The following FGF5 variants were observed in gnomAD, a reference collection of about 807,000 sequenced individuals.
FGF5 encodes heparin-binding growth factor 5.
In FGF5, 23 loss-of-function variants were observed where a neutral mutation model predicts 21.8. That is an observed-to-expected ratio of 1.05 (90% CI 0.76 to 1.49). The LOEUF (loss-of-function observed/expected upper bound fraction) is 1.49. Among genes scored for constraint, FGF5 ranks in the 40% most tolerant of loss-of-function variants. FGF5 has a pLI of 0.00. For missense variants in FGF5, 352 were observed against 332.9 expected (o/e 1.06, Z -0.45); for synonymous variants, 158 against 124.0 (o/e 1.27, Z -1.82).
intron 1 of FGF5, among the ~76,000 whole-genome samples, chr4:80,272,901 C>T (rs546013220): frequency 1.3e-5 from 2 of 152,186 alleles, no homozygotes; most frequent in South Asian, 2.1e-4. Flanking sequence ...TATCTAAAAT[C>T]ATTAATGCTA....
Position 80,266,869 on chromosome 4 carries a change from C to T in FGF5, c.45C>T (p.Ile15=). Residue 15 remains isoleucine (I), a synonymous_variant, in exon 1 of 3, where the codon ATC becomes ATT. Transcript: ENST00000312465. ...TCCTCCTCTTCTTCAGCCACCTGAT[C>T]CTCAGCGCCTGGGCTCACGGGGAGA... ...FLLLLFFSHL[I]LSAWAHGEKR... 6.2e-7 allele frequency: 1 copy of T among 1,610,380 alleles called. No homozygotes were observed. The highest frequency in any genetic ancestry group is 8.5e-7 in the Non-Finnish European group (1 of 1,178,434).
rs3839148 is a variant in FGF5 at position 80,267,733 on chromosome 4, GTAGATAGA to G, written c.355+573_355+580del. 2.7e-3 allele frequency among the ~76,000 whole-genome samples: 402 copies of G among 151,064 alleles called. 2 individuals carry two copies. Among genetic ancestry groups the G allele is most frequent in the African/African-American group, 8.5e-3 (351 of 41,128 alleles). On this transcript the variant is annotated intron_variant, in intron 1 of 2. Transcript: ENST00000312465. ...CTATGTATACAATGTATACACATAG[GTAGATAGA>G]TAGATAGATAGATAGATACACAGAT...
chr4:80,284,719 T>G (rs1720660732), intron 2 of FGF5, among the ~76,000 whole-genome samples: 1 of 152,202 alleles, frequency 6.6e-6, no homozygotes, highest in South Asian at 2.1e-4. Context: ...GCTCAGAAAC[T>G]CCATGTGGAC....
Position 80,266,832 on chromosome 4 carries a change from T to A in FGF5, c.8T>A (p.Leu3Ter), listed in dbSNP as rs1445304584. 2.6e-5 allele frequency: 41 copies of A among 1,587,996 alleles called. No individual in the cohort carries two copies. Among genetic ancestry groups the A allele is most frequent in the Non-Finnish European group, 3.3e-5 (38 of 1,168,544 alleles). Residue 3 changes from leucine (L) to a stop codon, truncating the protein, a stop_gained, in exon 1 of 3, where the codon TTG (leucine) becomes TAG (stop). Transcript: ENST00000312465. LOFTEE classifies it high-confidence loss of function. MS[L>*]SFLLLLFFSH... ...ACCCCCGCGGCTGGAAGAATGAGCT[T>A]GTCCTTCCTCCTCCTCCTCTTCTTC...
At chr4:80,280,110 C>T (rs934472144) in intron 2 of FGF5, among the ~76,000 whole-genome samples, 1 of 152,200 alleles carries the variant, frequency 6.6e-6, no homozygotes, top group Non-Finnish European at 1.5e-5. Flanking sequence ...AAATAACTTA[C>T]TAAGCACTCC....
At chr4:80,280,896 T>C (rs189089116) in intron 2 of FGF5, among the ~76,000 whole-genome samples, 16 of 152,172 alleles carry the variant, frequency 1.1e-4, no homozygotes, top group South Asian at 2.1e-4. Context: ...TCCCTGGAGA[T>C]AGGGCTTGAG....
At chr4:80,278,539 C>G (rs1158136421) in intron 2 of FGF5, among the ~76,000 whole-genome samples, 2 of 152,136 alleles carry the variant, frequency 1.3e-5, no homozygotes, top group African/African-American at 4.8e-5. Flanking sequence ...GAAAAGAGAT[C>G]TGTTTTGCTC....
chr4:80,278,169 T>G (rs1477871741), intron 2 of FGF5, among the ~76,000 whole-genome samples: 1 of 151,350 alleles, frequency 6.6e-6, no homozygotes, highest in Non-Finnish European at 1.5e-5. Flanking sequence ...TTTCACCTCT[T>G]AGTGTATAGA....
At chr4:80,284,859 G>A (rs35972397) in intron 2 of FGF5, among the ~76,000 whole-genome samples, 10,299 of 152,190 alleles carry the variant, frequency 0.068, 613 homozygotes, top group East Asian at 0.34. Flanking sequence ...TTTTATTCCC[G>A]TATAAAACTT....
chr4:80,269,684 A>T (rs1456645736), intron 1 of FGF5, among the ~76,000 whole-genome samples: 1 of 152,264 alleles, frequency 6.6e-6, no homozygotes, highest in East Asian at 1.9e-4. Context: ...TGTCTTTCAC[A>T]TGACTTGCTT....
chr4:80,282,785 G>GT (rs34146877), intron 2 of FGF5, among the ~76,000 whole-genome samples: 20 of 151,180 alleles, frequency 1.3e-4, no homozygotes, highest in African/African-American at 2.9e-4. Flanking sequence ...AATTTCAGGG[G>GT]TTTTTTTTCT....
chr4:80,274,311 A>G (rs938437895), intron 1 of FGF5, among the ~76,000 whole-genome samples: 1 of 152,154 alleles, frequency 6.6e-6, no homozygotes, highest in Non-Finnish European at 1.5e-5. Context: ...CATTTCATTG[A>G]ACCAATAATT....
chr4:80,285,753 G>C (rs919403438), intron 2 of FGF5, among the ~76,000 whole-genome samples: 3 of 152,066 alleles, frequency 2.0e-5, no homozygotes, highest in African/African-American at 7.2e-5. Flanking sequence ...GTAAAGATAC[G>C]TTATTTTTTT....
rs1274268095 is a variant in FGF5 at position 80,274,978 on chromosome 4, T to C, written c.425T>C (p.Leu142Ser). Residue 142 changes from leucine (L) to serine (S), a missense_variant, in exon 2 of 3, where the codon TTA (leucine) becomes TCA (serine). Leu to Ser is a moderately radical substitution (Grantham distance 145). Transcript: ENST00000312465. ...GIRGVFSNKF[L>S]AMSKKGKLHA... ...CGAGGAGTTTTCAGCAACAAATTTT[T>C]AGCGATGTCAAAAAAAGGAAAACTC... 4 of 1,592,462 alleles carry C rather than the reference T, an allele frequency of 2.5e-6. No homozygotes were observed. Among genetic ancestry groups the C allele is most frequent in the Non-Finnish European group, 2.6e-6 (3 of 1,164,144 alleles).
Position 80,289,937 on chromosome 4 carries a change from A to G in FGF5, c.*3265A>G, listed in dbSNP as rs1247327911. On this transcript the variant is annotated 3_prime_UTR_variant, in exon 3 of 3. Transcript: ENST00000312465. ...TTCTTGTAGCTAAAAATAAAACATC[A>G]TAAATCTGGTAGGTAAATTTCTTAT... 1 of 152,182 alleles carries G rather than the reference A, an allele frequency of 6.6e-6. No homozygotes were observed. The highest frequency in any genetic ancestry group is 1.9e-4 in the East Asian group (1 of 5,204). 9.4% of individuals were successfully genotyped at this position (152,182 alleles called of 1,614,324 possible).
chr4:80,275,831 C>T (rs17004864), intron 2 of FGF5, among the ~76,000 whole-genome samples: 3,129 of 152,068 alleles, frequency 0.021, 114 homozygotes, highest in African/African-American at 0.073. Context: ...TACTTATTTT[C>T]TTCACATTAA....
chr4:80,268,249 C>A (rs1412772697), intron 1 of FGF5: 1 of 152,940 alleles, frequency 6.5e-6, no homozygotes, highest in African/African-American at 2.4e-5. Context: ...GTGGGGAGAT[C>A]TCTGTGGGGC....
intron 2 of FGF5, among the ~76,000 whole-genome samples, chr4:80,275,278 C>G (rs1720379491): frequency 6.6e-6 from 1 of 151,822 alleles, no homozygotes; most frequent in African/African-American, 2.4e-5. Flanking sequence ...GGCAGCCATC[C>G]ACTTATTTCT....
At chr4:80,267,733 G>A (rs6148543) in intron 1 of FGF5, among the ~76,000 whole-genome samples, 1 of 150,952 alleles carries the variant, frequency 6.6e-6, no homozygotes, top group African/African-American at 2.4e-5. Flanking sequence ...ATACACATAG[G>A]TAGATAGATA....
Sources: gnomAD v4.1 joint callset for allele counts (sites outside exome capture counted in the v4.1 genomes callset) on GRCh38, gnomAD v4.1.1 for gene constraint, MANE v1.5 for transcripts, NCBI Gene and HGNC (gene_info 2026-07-23, HGNC 2026-07-21) for gene names.